The following DPP10 variants were observed in gnomAD, a reference collection of about 807,000 sequenced individuals.
DPP10 encodes the protein inactive dipeptidyl peptidase 10.
DPP10 carries 33 observed loss-of-function variants against 120.9 expected under a neutral mutation model. The observed-to-expected ratio is 0.27, with a 90% confidence interval of 0.21 to 0.37. The LOEUF is 0.37. Ranked by LOEUF, DPP10 falls within the 10% of genes least tolerant of loss-of-function variation. The pLI, the probability that DPP10 is intolerant of heterozygous loss-of-function variation, is 1.00. For missense variants in DPP10, 816 were observed against 942.8 expected (o/e 0.87, Z 1.76); for synonymous variants, 337 against 326.1 (o/e 1.03, Z -0.36).
chr2:114,963,761 G>C lies in DPP10; in HGVS notation c.61-345478G>C, dbSNP rs79956139. On this transcript the variant is annotated intron_variant, in intron 1 of 25. Coordinates refer to ENST00000410059, the MANE Select transcript of DPP10 (RefSeq NM_020868.6). Reference sequence around the variant, plus strand: ...ACCAATGAGGGTAAGACTTCACACAGAGGGTCGTGTCGCAAGGGATTTGCT... The same window carrying C: ...ACCAATGAGGGTAAGACTTCACACACAGGGTCGTGTCGCAAGGGATTTGCT... Among the ~76,000 whole-genome samples, 479 of 152,282 alleles carry C rather than the reference G, an allele frequency of 3.1e-3. 1 individual carries two copies. The highest frequency in any genetic ancestry group is 0.011 in the African/African-American group (469 of 41,558).
At chr2:115,325,382 T>A (rs1297233112) in intron 2 of DPP10, among the ~76,000 whole-genome samples, 1 of 152,158 alleles carries the variant, frequency 6.6e-6, no homozygotes, top group Non-Finnish European at 1.5e-5. Context: ...AATAAGGTTA[T>A]TAAAGCTGAT....
intron 1 of DPP10, among the ~76,000 whole-genome samples, chr2:114,660,477 T>C (rs193192662): frequency 6.3e-4 from 96 of 152,250 alleles, no homozygotes; most frequent in Admixed American, 8.5e-4. Context: ...ATCTTGGACA[T>C]ATAATACTAG....
At chr2:115,079,150 G>A (rs768883761) in intron 1 of DPP10, among the ~76,000 whole-genome samples, 1 of 152,172 alleles carries the variant, frequency 6.6e-6, no homozygotes, top group Non-Finnish European at 1.5e-5. Flanking sequence ...GGGCGCTGAG[G>A]CGGGTGGATC....
At chr2:114,834,295 T>C (rs1328160505) in intron 1 of DPP10, among the ~76,000 whole-genome samples, 1 of 151,626 alleles carries the variant, frequency 6.6e-6, no homozygotes, top group African/African-American at 2.4e-5. Context: ...AAGCCATGTC[T>C]ACACACCTAT....
intron 1 of DPP10, among the ~76,000 whole-genome samples, chr2:114,775,510 GA>G (rs1681648048): frequency 6.6e-6 from 1 of 152,142 alleles, no homozygotes; most frequent in Non-Finnish European, 1.5e-5. Flanking sequence ...TGGGCATCCT[GA>G]AAATCCTTTC....
intron 1 of DPP10, among the ~76,000 whole-genome samples, chr2:114,952,789 G>A (rs1697896594): frequency 2.6e-5 from 4 of 151,668 alleles, no homozygotes; most frequent in African/African-American, 9.7e-5. Context: ...TAGGTACACA[G>A]TAGTTGATGA....
At chr2:114,808,766 TTCCTC>T (rs1329368478) in intron 1 of DPP10, among the ~76,000 whole-genome samples, 1 of 152,076 alleles carries the variant, frequency 6.6e-6, no homozygotes, top group African/African-American at 2.4e-5. Flanking sequence ...TACCTGCTCT[TTCCTC>T]TCCTGGAAAG....
chr2:115,674,373 A>G (rs1388929419), intron 5 of DPP10, among the ~76,000 whole-genome samples: 3 of 151,680 alleles, frequency 2.0e-5, no homozygotes, highest in South Asian at 4.2e-4. Context: ...ACAGGCCTAC[A>G]TACTTCATGA....
chr2:115,310,533 G>C (rs1212032978), intron 2 of DPP10, among the ~76,000 whole-genome samples: 1 of 152,088 alleles, frequency 6.6e-6, no homozygotes, highest in Non-Finnish European at 1.5e-5. Context: ...AAGAAATTAA[G>C]GGAGCTACTA....
chr2:115,195,347 G>A (rs775069573), intron 1 of DPP10, among the ~76,000 whole-genome samples: 7 of 152,270 alleles, frequency 4.6e-5, no homozygotes, highest in East Asian at 1.9e-4. Context: ...CCTAAAACCC[G>A]TAGAGACGAA....
chr2:115,237,736 G>A (rs1307767122), intron 1 of DPP10, among the ~76,000 whole-genome samples: 1 of 152,138 alleles, frequency 6.6e-6, no homozygotes, highest in Non-Finnish European at 1.5e-5. Context: ...AGTTTTAATG[G>A]TCTGTATAGA....
chr2:115,080,872 C>T (rs1708215498), intron 1 of DPP10, among the ~76,000 whole-genome samples: 2 of 152,168 alleles, frequency 1.3e-5, no homozygotes, highest in Admixed American at 1.3e-4. Context: ...CCGTTTTTAT[C>T]AGCATTCCTG....
chr2:115,455,360 A>G (rs1347133456), intron 3 of DPP10, among the ~76,000 whole-genome samples: 1 of 152,100 alleles, frequency 6.6e-6, no homozygotes. Context: ...AGCCATGACA[A>G]TATTTAAAAA....
At chr2:115,686,086 G>T (rs966524319) in intron 5 of DPP10, among the ~76,000 whole-genome samples, 3 of 151,940 alleles carry the variant, frequency 2.0e-5, no homozygotes, top group Admixed American at 1.3e-4. Flanking sequence ...GTGCCTTCCT[G>T]TTTCAGCTCT....
intron 1 of DPP10, among the ~76,000 whole-genome samples, chr2:114,599,118 G>T (rs1692159693): frequency 6.6e-6 from 1 of 151,762 alleles, no homozygotes; most frequent in African/African-American, 2.4e-5. Context: ...GGAGGTTACA[G>T]GTGTATACAT....
intron 5 of DPP10, among the ~76,000 whole-genome samples, chr2:115,647,917 C>T (rs964148207): frequency 1.3e-5 from 2 of 152,122 alleles, no homozygotes; most frequent in South Asian, 2.1e-4. Context: ...AGGTGATTTA[C>T]GTTCATCGTG....
chr2:115,171,009 C>T (rs2105057728), intron 1 of DPP10, among the ~76,000 whole-genome samples: 1 of 152,242 alleles, frequency 6.6e-6, no homozygotes, highest in African/African-American at 2.4e-5. Context: ...CCCTCCGCCT[C>T]TCTACATTTC....
At chr2:115,343,524 C>CA (rs2063551734) in intron 2 of DPP10, among the ~76,000 whole-genome samples, 1 of 151,972 alleles carries the variant, frequency 6.6e-6, no homozygotes, top group Non-Finnish European at 1.5e-5. Flanking sequence ...CCTTTTTGGG[C>CA]ACAATGTACA....
intron 1 of DPP10, among the ~76,000 whole-genome samples, chr2:114,471,654 C>T (rs1290652894): frequency 3.3e-5 from 5 of 152,122 alleles, no homozygotes; most frequent in African/African-American, 7.2e-5. Flanking sequence ...CCTAAAATGA[C>T]GTGGGTTGTA....
Sources: allele counts gnomAD v4.1 joint callset (sites outside exome capture counted in the v4.1 genomes callset), GRCh38; gene constraint gnomAD v4.1.1; transcripts MANE v1.5; gene names NCBI Gene and HGNC (gene_info 2026-07-23, HGNC 2026-07-21).